The following STAP2 variants were observed in gnomAD, a reference collection of about 807,000 sequenced individuals.
STAP2 encodes the protein signal-transducing adaptor protein 2.
Under a neutral mutation model 52.7 loss-of-function variants are expected in STAP2, and 58 were observed. The observed-to-expected ratio is 1.10, with a 90% CI of 0.89 to 1.37. STAP2 has a LOEUF of 1.37. STAP2 is among the 40% of genes most tolerant of loss of function. STAP2 has a pLI of 0.00. For missense variants in STAP2, 522 were observed against 519.4 expected, an observed-to-expected ratio of 1.00 and a Z score of -0.05; for synonymous variants, 231 against 210.5, an observed-to-expected ratio of 1.10 and a Z score of -0.84.
At chr19:4,326,465 C>T in intron 9 of STAP2, among the ~76,000 whole-genome samples, 1 of 152,136 alleles carries the variant, frequency 6.6e-6, no homozygotes, top group Non-Finnish European at 1.5e-5. Flanking sequence ...TTCTCTGCCT[C>T]CTCTTCCCAC....
Position 4,333,685 on chromosome 19 carries a change from G to A in STAP2, c.297+9C>T, listed in dbSNP as rs747741019. On this transcript the variant is annotated intron_variant, in intron 3 of 12. Coordinates refer to ENST00000594605, the MANE Select transcript of STAP2 (RefSeq NM_001013841.2). ...CCGCCCCTCTGCACCCCTCCAGCAAGGGACCTACCTTGAACTTGATCTCCT... is the reference window on the plus strand; with the variant it reads ...CCGCCCCTCTGCACCCCTCCAGCAAAGGACCTACCTTGAACTTGATCTCCT... The A allele has an allele frequency of 5.6e-6, 9 of 1,608,410 alleles. No individual in the cohort carries two copies. Among genetic ancestry groups the A allele is most frequent in the Non-Finnish European group, 7.6e-6 (9 of 1,178,784 alleles).
intron 6 of STAP2, among the ~76,000 whole-genome samples, chr19:4,327,702 C>T (rs1352533188): frequency 6.6e-6 from 1 of 151,956 alleles, no homozygotes; most frequent in Non-Finnish European, 1.5e-5. Context: ...TGACAACACC[C>T]TAGGAAAGGT....
At chr19:4,331,293 C>T (rs1170946574) in intron 4 of STAP2, among the ~76,000 whole-genome samples, 1 of 151,950 alleles carries the variant, frequency 6.6e-6, no homozygotes, top group African/African-American at 2.4e-5. Flanking sequence ...CACACCACTG[C>T]ACTCCAGCCT....
chr19:4,325,619 T>A (rs975731704), intron 9 of STAP2, 74 bp from the exon 10 acceptor site: 2 of 1,477,790 alleles, frequency 1.4e-6, no homozygotes, highest in Non-Finnish European at 9.0e-7. Context: ...GGGGGGTCTG[T>A]GTGCATGCCT....
intron 1 of STAP2, among the ~76,000 whole-genome samples, chr19:4,336,892 C>A (rs1287277037): frequency 6.6e-6 from 1 of 152,088 alleles, no homozygotes; most frequent in African/African-American, 2.4e-5. Flanking sequence ...GCCTCGGCCT[C>A]CCAAAGTGCT....
chr19:4,330,354 G>A (rs1035756794), intron 4 of STAP2, among the ~76,000 whole-genome samples: 2 of 151,646 alleles, frequency 1.3e-5, no homozygotes, highest in African/African-American at 4.8e-5. Flanking sequence ...AACCCCGTTT[G>A]TACTAAAAAT....
At chr19:4,328,634 A>T in intron 6 of STAP2, 41 bp downstream of exon 6, 2 of 805,658 alleles carry the variant, frequency 2.5e-6, no homozygotes, top group South Asian at 3.2e-5. Context: ...CCCTCTTCCC[A>T]CCCTCCTCCC....
rs952029788 is a variant in STAP2, at chr19:4,328,368, A to G, written c.590+307T>C. 6 of 203,674 alleles carry G rather than the reference A, an allele frequency of 2.9e-5. No homozygotes were observed. In the South Asian group the frequency reaches 3.3e-4, roughly 11 times the overall value. 12.6% of individuals were successfully genotyped at this position (203,674 alleles called of 1,614,324 possible). On this transcript the variant is annotated intron_variant, in intron 6 of 12. Transcript: ENST00000594605. ...CGCCCAGCGTAGCTCTGATTCCGCC[A>G]CCAGTGTACTCTGCTCAGCTCTGAC... is the stretch of plus-strand genomic sequence containing the variant.
chr19:4,329,074 C>A (rs572485910), intron 5 of STAP2: 1 of 434,670 alleles, frequency 2.3e-6, no homozygotes, highest in South Asian at 3.2e-5. Flanking sequence ...TATCTCGGCT[C>A]ACCGCAACCT....
At chr19:4,325,651 T>C in intron 9 of STAP2, 106 bp from the exon 10 acceptor site, 1 of 1,286,926 alleles carries the variant, frequency 7.8e-7, no homozygotes, top group Non-Finnish European at 1.1e-6. Flanking sequence ...TGTGTCCCTG[T>C]GTGTCTGTGT....
rs761014361 is a variant in STAP2 at position 4,324,633 on chromosome 19, A to C, written c.1073-104T>G. 110 of 1,213,418 alleles carry C rather than the reference A, an allele frequency of 9.1e-5. No homozygotes were observed. In the South Asian group the frequency reaches 1.4e-3, roughly 16 times the overall value. The allele number at this position is 1,213,418 out of a possible 1,614,324, so 75.2% of individuals were successfully genotyped here. A position where few individuals can be genotyped will look rare whatever the true frequency, so the allele number is the denominator to read the frequency against. On this transcript the variant is annotated intron_variant, in intron 11 of 12. Transcript: ENST00000594605. ...GATCACTTGAGGTCAGGAGTTCGAG[A>C]CCAGCCTGGGCAACATGGTGAAACC...
At chr19:4,333,933 A>C in intron 2 of STAP2, 40 bp downstream of exon 2, 1 of 1,610,524 alleles carries the variant, frequency 6.2e-7, no homozygotes, top group Non-Finnish European at 8.5e-7. Flanking sequence ...CTCTGGGCTC[A>C]AGGGAAGGCC....
intron 10 of STAP2, 34 bp downstream of exon 10, chr19:4,325,362 C>A (rs377301215): frequency 1.7e-5 from 27 of 1,613,878 alleles, no homozygotes; most frequent in Admixed American, 6.7e-5. Flanking sequence ...GTTTCCCCAA[C>A]CCCCAGCTCT....
At chr19:4,334,083 C>A (rs776334911) in intron 1 of STAP2, 39 bp from the exon 2 acceptor site, 3 of 1,568,752 alleles carry the variant, frequency 1.9e-6, no homozygotes, top group Admixed American at 3.7e-5. Flanking sequence ...GTGAGCTGGC[C>A]AAGCTGAGTG....
chr19:4,328,033 C>T (rs1448682807), intron 6 of STAP2, among the ~76,000 whole-genome samples: 1 of 152,138 alleles, frequency 6.6e-6, no homozygotes, highest in East Asian at 1.9e-4. Flanking sequence ...CAGACCTGGC[C>T]CCTGCGTACC....
Position 4,332,007 on chromosome 19 carries a change from A to C in STAP2, c.354+15T>G. 1 of 1,610,210 alleles carries C rather than the reference A, an allele frequency of 6.2e-7. No individual in the cohort carries two copies. Among genetic ancestry groups the C allele is most frequent in the Non-Finnish European group, 8.5e-7 (1 of 1,178,642 alleles). On this transcript the variant is annotated intron_variant, in intron 4 of 12. Coordinates refer to ENST00000594605, the MANE Select transcript of STAP2 (RefSeq NM_001013841.2). ...GGAGAATGGGAGAGAGGGCGCAGAG[A>C]GCCACTACTCTTACCTCCACCACCG...
chr19:4,326,992 T>G lies in STAP2; in HGVS notation c.779A>C (p.Asp260Ala). The G allele has an allele frequency of 6.4e-7, 1 of 1,556,414 alleles. No individual in the cohort carries two copies. Among genetic ancestry groups the G allele is most frequent in the South Asian group, 1.2e-5 (1 of 85,410 alleles). The change falls in exon 9 of 13, where the codon GAT (aspartate) becomes GCT (alanine). Residue 260 changes from aspartate to alanine, a missense_variant. Transcript: ENST00000594605. ...CCACACATTCTCGCCATTCTCCTTA[T>G]CGGCTTCCACGTAGCCTGGAACAGA... ...YEKVLGYVEA[D>A]KENGENVWVA...
At chr19:4,328,059 G>A (rs1489078807) in intron 6 of STAP2, 1 of 160,648 alleles carries the variant, frequency 6.2e-6, no homozygotes, top group Non-Finnish European at 1.4e-5. Flanking sequence ...TTCCGGAGGG[G>A]CCGATCCTAA....
Position 4,326,927 on chromosome 19 carries a change from G to A in STAP2, c.829+15C>T. Reference sequence around the variant, plus strand: ...TCGATCCCTCCCACCTCGGCCCGCGGGAAGGGGGCGTCACCTGGGCCCGGA... The same window carrying A: ...TCGATCCCTCCCACCTCGGCCCGCGAGAAGGGGGCGTCACCTGGGCCCGGA... On this transcript the variant is annotated intron_variant, in intron 9 of 12. Coordinates refer to ENST00000594605, the MANE Select transcript of STAP2 (RefSeq NM_001013841.2). 1 of 1,551,064 alleles carries A rather than the reference G, an allele frequency of 6.4e-7. No individual in the cohort carries two copies. The highest frequency in any genetic ancestry group is 8.7e-7 in the Non-Finnish European group (1 of 1,146,894).
Sources: gnomAD v4.1 joint callset for allele counts (sites outside exome capture counted in the v4.1 genomes callset) on GRCh38, gnomAD v4.1.1 for gene constraint, MANE v1.5 for transcripts, NCBI Gene and HGNC (gene_info 2026-07-23, HGNC 2026-07-21) for gene names.